MRPS25: variants seen among roughly 807,000 people sequenced by gnomAD.
MRPS25 encodes small ribosomal subunit protein mS25.
A neutral mutation model predicts 17.3 loss-of-function variants in MRPS25; 15 were observed. The ratio of observed to expected loss-of-function variants is 0.87; its 90% CI spans 0.58 to 1.34. MRPS25 has a LOEUF of 1.34. Among genes scored for constraint, MRPS25 ranks in the 40% most tolerant of loss-of-function variants. The probability of loss-of-function intolerance (pLI) is 0.00; values close to 1 mark genes in which losing one functional copy is unlikely to be tolerated. For missense variants in MRPS25, 225 were observed against 218.6 expected (o/e 1.03, Z -0.19); for synonymous variants, 94 against 83.3 (o/e 1.13, Z -0.70).
At chr3:15,053,742 A>G (rs546907925) in intron 2 of MRPS25, 11 of 471,628 alleles carry the variant, frequency 2.3e-5, no homozygotes, top group South Asian at 8.5e-5. Flanking sequence ...TAAGACGGCA[A>G]TTCTCCCCAG....
intron 1 of MRPS25, among the ~76,000 whole-genome samples, chr3:15,062,070 C>T (rs1234933031): frequency 4.0e-5 from 6 of 149,578 alleles, no homozygotes; most frequent in African/African-American, 9.9e-5. Flanking sequence ...CCAGGCCAGC[C>T]GCCCCGTCTG....
intron 2 of MRPS25, among the ~76,000 whole-genome samples, chr3:15,056,611 T>C (rs1424771027): frequency 6.6e-6 from 1 of 152,082 alleles, no homozygotes; most frequent in African/African-American, 2.4e-5. Context: ...TTGAAGATGG[T>C]AGAATAAGGC....
intron 1 of MRPS25, among the ~76,000 whole-genome samples, chr3:15,062,741 T>G: frequency 6.6e-6 from 1 of 152,158 alleles, no homozygotes; most frequent in African/African-American, 2.4e-5. Context: ...TTCTTCTGCC[T>G]TGGGATCCTG....
chr3:15,057,723 C>T (rs2042691544), intron 2 of MRPS25, among the ~76,000 whole-genome samples: 1 of 152,196 alleles, frequency 6.6e-6, no homozygotes, highest in Non-Finnish European at 1.5e-5. Context: ...ACGGCCAGTA[C>T]CCATCCAGTT....
downstream of MRPS25, chr3:15,045,722 C>G (rs1055144151): frequency 6.6e-6 from 1 of 152,658 alleles, no homozygotes; most frequent in Non-Finnish European, 1.5e-5. Flanking sequence ...TATTTGGGCT[C>G]CAACTTTCAC....
downstream of MRPS25, chr3:15,047,458 C>T (rs186706035): frequency 2.1e-4 from 32 of 152,354 alleles, no homozygotes; most frequent in African/African-American, 7.5e-4. Context: ...TGCACCTATT[C>T]ATGGCCCTAC....
Position 15,065,148 on chromosome 3 carries a change from A to C in MRPS25, c.47T>G (p.Leu16Arg). 1 of 1,609,120 alleles carries C rather than the reference A, an allele frequency of 6.2e-7. No homozygotes were observed. The highest frequency in any genetic ancestry group is 1.1e-5 in the South Asian group (1 of 89,962). ...CTTGAACACCACGTTCCCCTGGCTC[A>C]GATATTGCAGGGTGCGGCGGATGGG... Reference protein sequence around the residue: ...RFPIRRTLQYLSQGNVVFKDS... With the variant: ...RFPIRRTLQYRSQGNVVFKDS... The change falls in exon 1 of 4, where the codon CTG (leucine) becomes CGG (arginine). Residue 16 changes from leucine to arginine, a missense_variant. Leu to Arg is a moderately radical substitution (Grantham distance 102). Transcript: ENST00000253686.
At chr3:15,045,665 TAA>T (rs2042424146), downstream of MRPS25, 3 of 152,694 alleles carry the variant, frequency 2.0e-5, no homozygotes, top group South Asian at 6.2e-4. Flanking sequence ...GTTGGTTAAG[TAA>T]AGTCAGCCCA....
chr3:15,050,676 A>AGAC lies in MRPS25; in HGVS notation c.*1762_*1764dup. The AGAC allele has an allele frequency of 1.0e-6, 1 of 985,432 alleles. No individual in the cohort carries two copies. Among genetic ancestry groups the AGAC allele is most frequent in the Non-Finnish European group, 1.2e-6 (1 of 829,950 alleles). 61.0% of individuals were successfully genotyped at this position (985,432 alleles called of 1,614,324 possible). ...CCCAGCCAAAATGCTGATAGCAGAG[A>AGAC]GACAAGATGCTAGATTTCAATTAAA... is the stretch of plus-strand genomic sequence containing the variant. On this transcript the variant is annotated 3_prime_UTR_variant, in exon 4 of 4. Coordinates refer to ENST00000253686, the MANE Select transcript of MRPS25 (RefSeq NM_022497.5).
rs1278717739 is a variant in MRPS25 at position 15,051,241 on chromosome 3, T to C, written c.*1200A>G. On this transcript the variant is annotated 3_prime_UTR_variant, in exon 4 of 4. Coordinates refer to ENST00000253686, the MANE Select transcript of MRPS25 (RefSeq NM_022497.5). ...CTCTGTGGCCCAGGCTGGAGTGCAG[T>C]AGCGCACGATCATGATTCACTGCAG... The C allele has an allele frequency of 2.2e-6, 2 of 926,936 alleles. No individual in the cohort carries two copies. The highest frequency in any genetic ancestry group is 2.6e-6 in the Non-Finnish European group (2 of 776,604). 57.4% of individuals were successfully genotyped at this position (926,936 alleles called of 1,614,324 possible).
chr3:15,049,767 G>A lies in MRPS25; in HGVS notation c.*2674C>T. ...AGTCTGATGCATGACAGAACTCACT[G>A]GCAGGCAGATAGGGCCTCACTCCGT... On this transcript the variant is annotated 3_prime_UTR_variant, in exon 4 of 4. Transcript: ENST00000253686. 1.5e-6 allele frequency: 1 copy of A among 677,562 alleles called. No individual in the cohort carries two copies. The highest frequency in any genetic ancestry group is 2.9e-5 in the East Asian group (1 of 34,524). The allele number at this position is 677,562 out of a possible 1,614,324, so 42.0% of individuals were successfully genotyped here.
Position 15,052,057 on chromosome 3 carries a change from G to C in MRPS25, c.*384C>G. On this transcript the variant is annotated 3_prime_UTR_variant, in exon 4 of 4. Transcript: ENST00000253686. The stretch of plus-strand genomic sequence containing the variant: ...AGCAGCCCTTATGTTCTCCAGAGTA[G>C]AGCCCAGAGGAAGATTCAAAGCCAG... 2 of 1,009,830 alleles carry C rather than the reference G, an allele frequency of 2.0e-6. No individual in the cohort carries two copies. The highest frequency in any genetic ancestry group is 2.4e-6 in the Non-Finnish European group (2 of 845,664). 62.6% of individuals were successfully genotyped at this position (1,009,830 alleles called of 1,614,324 possible).
intron 1 of MRPS25, among the ~76,000 whole-genome samples, chr3:15,062,881 A>G (rs571877516): frequency 1.3e-5 from 2 of 152,208 alleles, no homozygotes; most frequent in South Asian, 2.1e-4. Context: ...CATGCTCGTT[A>G]AGAGTCATCA....
intron 1 of MRPS25, among the ~76,000 whole-genome samples, chr3:15,064,389 T>A (rs62240399): frequency 0.059 from 8,935 of 152,228 alleles, 354 homozygotes; most frequent in Middle Eastern, 0.099. Flanking sequence ...CTACAGTTCC[T>A]TCTAGTCGGG....
intron 1 of MRPS25, among the ~76,000 whole-genome samples, chr3:15,063,122 G>T (rs986156811): frequency 6.6e-6 from 1 of 151,908 alleles, no homozygotes; most frequent in Non-Finnish European, 1.5e-5. Context: ...CAGACACTTT[G>T]CTAGGCACCT....
At chr3:15,060,512 T>G (rs901352545) in intron 1 of MRPS25, among the ~76,000 whole-genome samples, 1 of 121,418 alleles carries the variant, frequency 8.2e-6, no homozygotes, top group African/African-American at 3.3e-5. Context: ...CAAGGTCCTC[T>G]CTCAAAAAAA....
chr3:15,059,325 C>A lies in MRPS25; in HGVS notation c.241+44G>T, dbSNP rs776761887. On this transcript the variant is annotated intron_variant, in intron 2 of 3. Coordinates refer to ENST00000253686, the MANE Select transcript of MRPS25 (RefSeq NM_022497.5). ...ATAGGAAGGACGCAGTCTCTCCAGG[C>A]ATGTCTGGGACAGCCCCTGGACCAT... is the stretch of plus-strand genomic sequence containing the variant. 8 of 1,312,144 alleles carry A rather than the reference C, an allele frequency of 6.1e-6. No homozygotes were observed. The Admixed American group carries it at 1.4e-4, about 22-fold the overall frequency. The allele number at this position is 1,312,144 out of a possible 1,614,324, so 81.3% of individuals were successfully genotyped here.
Position 15,051,452 on chromosome 3 carries a change from G to A in MRPS25, c.*989C>T. 2 of 973,488 alleles carry A rather than the reference G, an allele frequency of 2.1e-6. No individual in the cohort carries two copies. The highest frequency in any genetic ancestry group is 2.4e-6 in the Non-Finnish European group (2 of 819,120). 60.3% of individuals were successfully genotyped at this position (973,488 alleles called of 1,614,324 possible). A position where few individuals can be genotyped will look rare whatever the true frequency, so the allele number is the denominator to read the frequency against. Reference sequence around the variant, plus strand: ...CCCACATCAGCCTCCCAAAGTGCTGGGATTACAGGCATGAGCCACCACACC... The same window carrying A: ...CCCACATCAGCCTCCCAAAGTGCTGAGATTACAGGCATGAGCCACCACACC... On this transcript the variant is annotated 3_prime_UTR_variant, in exon 4 of 4. Transcript: ENST00000253686.
downstream of MRPS25, chr3:15,044,961 T>C (rs1185223714): frequency 1.3e-5 from 2 of 152,244 alleles, no homozygotes; most frequent in African/African-American, 4.8e-5. Flanking sequence ...GCAGCAAATT[T>C]TGGAGAGTAG....
Sources: gnomAD v4.1 joint callset for allele counts (sites outside exome capture counted in the v4.1 genomes callset) on GRCh38, gnomAD v4.1.1 for gene constraint, MANE v1.5 for transcripts, NCBI Gene and HGNC (gene_info 2026-07-23, HGNC 2026-07-21) for gene names.